ELF2: variants seen among roughly 807,000 people sequenced by gnomAD.
ELF2 encodes the protein E74 like ETS transcription factor 2.
A neutral mutation model predicts 54.8 loss-of-function variants in ELF2; 11 were observed. That is an observed-to-expected ratio of 0.20 (90% CI 0.13 to 0.33). The LOEUF is 0.33. ELF2 is among the 10% of genes least tolerant of loss of function. The pLI, the probability that ELF2 is intolerant of heterozygous loss-of-function variation, is 1.00. For missense variants in ELF2, 513 were observed against 703.0 expected (o/e 0.73, Z 3.06); for synonymous variants, 203 against 245.1 (o/e 0.83, Z 1.61).
chr4:139,077,523 T>C (rs1035069266), intron 4 of ELF2, among the ~76,000 whole-genome samples: 1 of 152,188 alleles, frequency 6.6e-6, no homozygotes, highest in Non-Finnish European at 1.5e-5. Context: ...TTTACAATAA[T>C]GTACTAATGC....
chr4:139,166,037 T>C (rs1741684722), intron 1 of ELF2, among the ~76,000 whole-genome samples: 1 of 152,210 alleles, frequency 6.6e-6, no homozygotes. Context: ...TTCACAGTTT[T>C]GATTCTTCTC....
intron 1 of ELF2, among the ~76,000 whole-genome samples, chr4:139,158,853 T>C (rs1190550920): frequency 1.3e-5 from 2 of 152,134 alleles, no homozygotes; most frequent in Non-Finnish European, 1.5e-5. Context: ...TCCTTTTTTT[T>C]AAGTTGGAGG....
At chr4:139,121,927 G>A (rs572969566) in intron 4 of ELF2, among the ~76,000 whole-genome samples, 8 of 152,246 alleles carry the variant, frequency 5.3e-5, no homozygotes, top group East Asian at 3.9e-4. Context: ...CAAACAGCTC[G>A]TAATTCCTAC....
rs1425666279 is a variant in ELF2 at position 139,060,432 on chromosome 4, C to G, written c.1049G>C (p.Arg350Thr). The G allele has an allele frequency of 6.2e-7, 1 of 1,614,198 alleles. No individual in the cohort carries two copies. Among genetic ancestry groups the G allele is most frequent in the East Asian group, 2.2e-5 (1 of 44,878 alleles). ...GKNSSPINCS[R>T]AEKGVARVVN... ...AACTCTAGCTACACCCTTCTCTGCTCTGGAGCAGTTTATAGGGGATGAATT... is the reference window on the plus strand; with the variant it reads ...AACTCTAGCTACACCCTTCTCTGCTGTGGAGCAGTTTATAGGGGATGAATT... The change falls in exon 9 of 10, where the codon AGA becomes ACA. Residue 350 changes from arginine to threonine, a missense_variant. Transcript: ENST00000686138.
At chr4:139,105,124 G>A (rs1267505884) in intron 4 of ELF2, among the ~76,000 whole-genome samples, 1 of 152,074 alleles carries the variant, frequency 6.6e-6, no homozygotes, top group Non-Finnish European at 1.5e-5. Flanking sequence ...TATGGAAAGG[G>A]AGAGGAAAAA....
intron 3 of ELF2, among the ~76,000 whole-genome samples, chr4:139,130,897 A>G (rs1205930626): frequency 6.6e-6 from 1 of 152,170 alleles, no homozygotes; most frequent in African/African-American, 2.4e-5. Flanking sequence ...CTGCCATATG[A>G]TACAGACCAG....
At chr4:139,134,245 G>A (rs1465638919) in intron 3 of ELF2, among the ~76,000 whole-genome samples, 2 of 151,870 alleles carry the variant, frequency 1.3e-5, no homozygotes, top group Non-Finnish European at 2.9e-5. Context: ...CACTCCTGTT[G>A]ATATGGTGAA....
rs59282364 is a variant in ELF2 at position 139,114,642 on chromosome 4, C to CTTTT, written c.238+10518_238+10521dup. ...ACTGACATGGATTTTTTTTTTCTTTCTTTTTTTTTTTTTTTTTTGCACCAA... is the reference window on the plus strand; with the variant it reads ...ACTGACATGGATTTTTTTTTTCTTTCTTTTTTTTTTTTTTTTTTTTTTGCACCAA... On this transcript the variant is annotated intron_variant, in intron 4 of 9. Coordinates refer to ENST00000686138, the MANE Select transcript of ELF2 (RefSeq NM_001331036.3). 0.01 allele frequency among the ~76,000 whole-genome samples: 1,098 copies of CTTTT among 104,772 alleles called. 59 individuals are homozygous for CTTTT. In the East Asian group the frequency reaches 0.11, roughly 10 times the overall value. 68.7% of individuals were successfully genotyped at this position (104,772 alleles called of 152,430 possible). A position where few individuals can be genotyped will look rare whatever the true frequency, so the allele number is the denominator to read the frequency against.
intron 4 of ELF2, chr4:139,114,881 G>A: frequency 3.1e-6 from 5 of 1,607,030 alleles, no homozygotes; most frequent in South Asian, 1.1e-5. Flanking sequence ...CGAGGTTGGG[G>A]GGCAGCGATT....
At chr4:139,079,882 G>A (rs1730855149) in intron 4 of ELF2, among the ~76,000 whole-genome samples, 1 of 152,124 alleles carries the variant, frequency 6.6e-6, no homozygotes, top group Non-Finnish European at 1.5e-5. Flanking sequence ...CTCCAGGCTG[G>A]GCGACAGAGG....
chr4:139,081,916 T>C (rs1301226968), intron 4 of ELF2, among the ~76,000 whole-genome samples: 1 of 75,994 alleles, frequency 1.3e-5, no homozygotes, highest in Admixed American at 1.1e-4. Flanking sequence ...TACAGAACAT[T>C]ATTATCATAA....
At chr4:139,157,139 T>A (rs1740630927) in intron 1 of ELF2, among the ~76,000 whole-genome samples, 1 of 152,164 alleles carries the variant, frequency 6.6e-6, no homozygotes, top group African/African-American at 2.4e-5. Context: ...CAATATGGCT[T>A]ATTGCTCCCA....
chr4:139,072,045 A>G lies in ELF2; in HGVS notation c.353-6T>C, dbSNP rs1477435250. On this transcript the variant is annotated splice_region_variant and splice_polypyrimidine_tract_variant and intron_variant, in intron 5 of 9. Transcript: ENST00000686138. ...AGGAGGAACAAACACTTCCACTATA[A>G]AAAAAAGTTGAAAAATTAAAATTTC... 3.1e-6 allele frequency: 5 copies of G among 1,605,554 alleles called. No individual in the cohort carries two copies. In the East Asian group the frequency reaches 1.1e-4, roughly 36 times the overall value.
intron 3 of ELF2, among the ~76,000 whole-genome samples, chr4:139,130,878 G>A (rs1419354835): frequency 6.6e-6 from 1 of 152,138 alleles, no homozygotes; most frequent in Non-Finnish European, 1.5e-5. Flanking sequence ...AACTTCATGA[G>A]CCTTTTTTCT....
intron 8 of ELF2, 65 bp from the exon 9 acceptor site, chr4:139,060,739 C>A: frequency 7.5e-7 from 1 of 1,332,614 alleles, no homozygotes. Flanking sequence ...CCACCCCCGC[C>A]AAAAAGACCA....
chr4:139,114,651 T>TTC (rs1299874956), intron 4 of ELF2, among the ~76,000 whole-genome samples: 46 of 127,486 alleles, frequency 3.6e-4, no homozygotes, highest in African/African-American at 1.4e-3. Flanking sequence ...TCTTTTTTTT[T>TTC]TTTTTTTTTG....
At chr4:139,104,983 G>A (rs1734273522) in intron 4 of ELF2, among the ~76,000 whole-genome samples, 2 of 152,122 alleles carry the variant, frequency 1.3e-5, no homozygotes, top group Non-Finnish European at 2.9e-5. Flanking sequence ...CTTCTTTGAG[G>A]CTAGAAAGCA....
chr4:139,130,073 A>G (rs539491059), intron 3 of ELF2, among the ~76,000 whole-genome samples: 55 of 152,264 alleles, frequency 3.6e-4, no homozygotes, highest in African/African-American at 1.3e-3. Flanking sequence ...ATGTCCTTAC[A>G]AAAGGGAAAT....
intron 4 of ELF2, chr4:139,084,399 C>T: frequency 3.5e-6 from 5 of 1,428,410 alleles, no homozygotes; most frequent in Non-Finnish European, 3.7e-6. Flanking sequence ...GCTGAGAAAC[C>T]CCACCACCTA....
Sources: gnomAD v4.1 joint callset for allele counts (sites outside exome capture counted in the v4.1 genomes callset) on GRCh38, gnomAD v4.1.1 for gene constraint, MANE v1.5 for transcripts, NCBI Gene and HGNC (gene_info 2026-07-23, HGNC 2026-07-21) for gene names.